Variants in GGCT observed in about 807,000 individuals in gnomAD.
GGCT encodes the protein gamma-glutamylcyclotransferase.
In GGCT, 20 loss-of-function variants were observed where a neutral mutation model predicts 22.1. The observed-to-expected ratio is 0.91, with a 90% confidence interval of 0.64 to 1.32. The LOEUF (loss-of-function observed/expected upper bound fraction) is 1.32. Ranked by LOEUF, GGCT falls within the 40% of genes most tolerant of loss-of-function variation. The pLI, the probability that GGCT is intolerant of heterozygous loss-of-function variation, is 0.00. For missense variants in GGCT, 209 were observed against 223.5 expected (o/e 0.94, Z 0.41); for synonymous variants, 72 against 78.4 (o/e 0.92, Z 0.43).
At chr7:30,499,925 T>C (rs1256775544) in intron 2 of GGCT, among the ~76,000 whole-genome samples, 1 of 152,080 alleles carries the variant, frequency 6.6e-6, no homozygotes, top group Non-Finnish European at 1.5e-5. Context: ...AATATCCACC[T>C]AGAACAAAGG....
intron 1 of GGCT, among the ~76,000 whole-genome samples, chr7:30,503,847 T>C (rs1789760445): frequency 7.7e-6 from 1 of 129,574 alleles, no homozygotes; most frequent in Non-Finnish European, 1.6e-5. Flanking sequence ...AACTAAGAAC[T>C]CACGATGTTA....
intron 1 of GGCT, among the ~76,000 whole-genome samples, chr7:30,503,400 G>C (rs559708804): frequency 3.7e-4 from 57 of 152,316 alleles, no homozygotes; most frequent in African/African-American, 1.3e-3. Context: ...AAGGCCAGAA[G>C]CTGGTTCTCT....
chr7:30,497,301 T>C (rs1789569760), intron 3 of GGCT, 66 bp from the exon 4 acceptor site: 2 of 1,146,454 alleles, frequency 1.7e-6, no homozygotes, highest in South Asian at 2.9e-5. Flanking sequence ...TAACGTACCA[T>C]ACCACAGCTT....
rs767513359 is a variant in GGCT, at chr7:30,504,710, A to G, written c.-1T>C. 7 of 1,613,888 alleles carry G rather than the reference A, an allele frequency of 4.3e-6. No individual in the cohort carries two copies. Among genetic ancestry groups the G allele is most frequent in the Non-Finnish European group, 5.9e-6 (7 of 1,179,900 alleles). On this transcript the variant is annotated 5_prime_UTR_variant, in exon 1 of 4. Coordinates refer to ENST00000275428, the MANE Select transcript of GGCT (RefSeq NM_024051.4). ...CGTCCTTGCAGCCCGAGTTGGCCAT[A>G]TCCCACTACGCCCCTGCACTGGAGC...
intron 3 of GGCT, chr7:30,498,026 T>TATATATATATATATATATATATATAC (rs68111355): frequency 4.6e-6 from 1 of 219,398 alleles, no homozygotes; most frequent in African/African-American, 2.3e-5. Flanking sequence ...TATATATAGA[T>TATATATATATATATATATATATATAC]ACACACACAC....
At position 30,498,911 on chromosome 7, in the gene GGCT, A is replaced by C; in HGVS notation, c.315T>G (p.Tyr105Ter). ...TTGCAACTTTAACTTCTATTACAACATACATTCCACTTTTAACCCCTTCTT... is the reference window on the plus strand; with the variant it reads ...TTGCAACTTTAACTTCTATTACAACCTACATTCCACTTTTAACCCCTTCTT... ...DEQEGVKSGM[Y>*]VVIEVKVATQ... is the part of the protein sequence containing the mutation. The change falls in exon 3 of 4, where the codon TAT (tyrosine) becomes TAG (stop). Residue 105 changes from tyrosine (Y) to a stop codon, truncating the protein, a stop_gained. Transcript: ENST00000275428. LOFTEE classifies it high-confidence loss of function. 2 of 1,613,852 alleles carry C rather than the reference A, an allele frequency of 1.2e-6. No individual in the cohort carries two copies. The highest frequency in any genetic ancestry group is 8.5e-7 in the Non-Finnish European group (1 of 1,179,754).
chr7:30,498,750 T>C, intron 3 of GGCT, 53 bp downstream of exon 3: 4 of 1,488,848 alleles, frequency 2.7e-6, no homozygotes, highest in Non-Finnish European at 3.7e-6. Context: ...TATTCTTTAG[T>C]TTCTCTCAGT....
intron 1 of GGCT, among the ~76,000 whole-genome samples, chr7:30,501,785 A>C (rs1789709203): frequency 6.6e-6 from 1 of 152,182 alleles, no homozygotes; most frequent in South Asian, 2.1e-4. Context: ...TTTCAGGTTT[A>C]TATTTTATCC....
At chr7:30,500,081 A>C (rs1470515086) in intron 2 of GGCT, among the ~76,000 whole-genome samples, 1 of 152,242 alleles carries the variant, frequency 6.6e-6, no homozygotes, top group East Asian at 1.9e-4. Flanking sequence ...CTAGTCATAA[A>C]AAGTATCAAA....
In GGCT at chr7:30,497,791, T is replaced by C. The variant is rs540053508; in HGVS notation, c.424-556A>G. 29 of 1,464,418 alleles carry C rather than the reference T, an allele frequency of 2.0e-5. No homozygotes were observed. The South Asian group carries it at 2.0e-4, about 10-fold the overall frequency. 90.7% of individuals were successfully genotyped at this position (1,464,418 alleles called of 1,614,324 possible). A position where few individuals can be genotyped will look rare whatever the true frequency, so the allele number is the denominator to read the frequency against. On this transcript the variant is annotated intron_variant, in intron 3 of 3. Coordinates refer to ENST00000275428, the MANE Select transcript of GGCT (RefSeq NM_024051.4). ...GGGCCTGCCAACAGAGAGCTAAGCT[T>C]AGGTTCTGAACAGGAATTTTGGGGT... is the stretch of plus-strand genomic sequence containing the variant.
chr7:30,500,593 T>A lies in GGCT; in HGVS notation c.230A>T (p.Asp77Val). 1 of 1,613,880 alleles carries A rather than the reference T, an allele frequency of 6.2e-7. No homozygotes were observed. The highest frequency in any genetic ancestry group is 8.5e-7 in the Non-Finnish European group (1 of 1,179,774). Residue 77 changes from aspartate (D) to valine (V), a missense_variant, in exon 2 of 4, where the codon GAT (aspartate) becomes GTT (valine). By Grantham distance (152) the Asp-to-Val change is radical (BLOSUM62 -3). Coordinates refer to ENST00000275428, the MANE Select transcript of GGCT (RefSeq NM_024051.4). The part of the protein sequence containing the change: ...GIATIFQSPG[D>V]EVWGVVWKMN... The stretch of plus-strand genomic sequence containing the variant: ...TTTCCATACTACTCCCCACACTTCA[T>A]CGCCAGGACTCTGAAAAATGGTGGC...
At chr7:30,503,609 C>A (rs1317954068) in intron 1 of GGCT, among the ~76,000 whole-genome samples, 7 of 152,058 alleles carry the variant, frequency 4.6e-5, no homozygotes, top group Non-Finnish European at 1.5e-5. Flanking sequence ...ACAGCATCCA[C>A]GTTTACCAAG....
intron 1 of GGCT, among the ~76,000 whole-genome samples, chr7:30,502,360 A>G (rs1023168465): frequency 1.3e-5 from 2 of 152,172 alleles, no homozygotes; most frequent in African/African-American, 4.8e-5. Flanking sequence ...TTGGACACCC[A>G]TGGTCTAGGC....
At chr7:30,500,128 A>G (rs1789666379) in intron 2 of GGCT, among the ~76,000 whole-genome samples, 1 of 152,236 alleles carries the variant, frequency 6.6e-6, no homozygotes. Flanking sequence ...TTTACAAAGT[A>G]TTACTTATTT....
rs774628013 is a variant in GGCT at position 30,500,606 on chromosome 7, GA to G, written c.216del (p.Gln73ArgfsTer10). On this transcript the variant is annotated frameshift_variant, in exon 2 of 4. Transcript: ENST00000275428. LOFTEE classifies it high-confidence loss of function. ...CCCCACACTTCATCGCCAGGACTCT[GA>G]AAAATGGTGGCTATCCCTCCATGCC... The part of the protein sequence containing the change: ...QTWHGGIATI[F>X]QSPGDEVWGV... 1.2e-6 allele frequency: 2 copies of G among 1,613,732 alleles called. No individual in the cohort carries two copies. The highest frequency in any genetic ancestry group is 4.5e-5 in the East Asian group (2 of 44,860).
intron 3 of GGCT, among the ~76,000 whole-genome samples, chr7:30,498,167 A>G (rs952487369): frequency 7.1e-6 from 1 of 141,826 alleles, no homozygotes; most frequent in Admixed American, 7.4e-5. Flanking sequence ...ATGAAGCAAA[A>G]ATTTATTGCC....
chr7:30,498,006 C>CATATATATATATATATATATATATAT (rs576048451), intron 3 of GGCT: 1 of 184,880 alleles, frequency 5.4e-6, no homozygotes, highest in Non-Finnish European at 1.1e-5. Flanking sequence ...ATTACAAAAG[C>CATATATATATATATATATATATATAT]ATATATATAT....
At chr7:30,503,455 G>C (rs1789748628) in intron 1 of GGCT, among the ~76,000 whole-genome samples, 1 of 152,160 alleles carries the variant, frequency 6.6e-6, no homozygotes, top group South Asian at 2.1e-4. Flanking sequence ...CCAAAACTTA[G>C]CCAATCGGGA....
At chr7:30,504,310 A>T (rs879311894) in intron 1 of GGCT, among the ~76,000 whole-genome samples, 2 of 152,234 alleles carry the variant, frequency 1.3e-5, no homozygotes, top group African/African-American at 4.8e-5. Flanking sequence ...CGAGAGGCCA[A>T]ATCGGTGCAG....
Sources: gnomAD v4.1 joint callset for allele counts (sites outside exome capture counted in the v4.1 genomes callset) on GRCh38, gnomAD v4.1.1 for gene constraint, MANE v1.5 for transcripts, NCBI Gene and HGNC (gene_info 2026-07-23, HGNC 2026-07-21) for gene names.